Variants in BTC observed in about 807,000 individuals in gnomAD.
BTC encodes the protein probetacellulin.
Under a neutral mutation model 18.1 loss-of-function variants are expected in BTC, and 13 were observed. The observed-to-expected ratio is 0.72, with a 90% CI of 0.47 to 1.14. The LOEUF (loss-of-function observed/expected upper bound fraction) is 1.14, where lower values mean the gene tolerates loss of function less well. BTC is among the 50% of genes most tolerant of loss of function. The pLI is 0.00. For missense variants in BTC, 247 were observed against 224.2 expected (o/e 1.10, Z -0.65); for synonymous variants, 83 against 79.4 (o/e 1.05, Z -0.24).
chr4:74,789,266 A>G (rs767893662), intron 1 of BTC, among the ~76,000 whole-genome samples: 1 of 152,246 alleles, frequency 6.6e-6, no homozygotes, highest in Non-Finnish European at 1.5e-5. Flanking sequence ...GCTTGCCTCC[A>G]TAATAGTGGT....
chr4:74,749,933 A>C (rs1477742862), intron 4 of BTC, among the ~76,000 whole-genome samples: 21 of 86,256 alleles, frequency 2.4e-4, no homozygotes, highest in South Asian at 2.2e-3. Context: ...AGTCTCCACA[A>C]AAAAAAAAAA....
intron 3 of BTC, among the ~76,000 whole-genome samples, chr4:74,752,079 T>G (rs1553956240): frequency 1.3e-5 from 2 of 152,136 alleles, no homozygotes; most frequent in African/African-American, 2.4e-5. Flanking sequence ...ATTTCTCAAG[T>G]GAAGAGATCC....
intron 3 of BTC, among the ~76,000 whole-genome samples, chr4:74,753,828 A>G (rs77384749): frequency 3.9e-4 from 25 of 64,570 alleles, no homozygotes; most frequent in African/African-American, 2.1e-3. Context: ...CCAAAAAAAG[A>G]AAAAAAAAAT....
intron 1 of BTC, among the ~76,000 whole-genome samples, chr4:74,771,150 A>T (rs1303344472): frequency 2.6e-5 from 4 of 152,082 alleles, no homozygotes; most frequent in Non-Finnish European, 5.9e-5. Flanking sequence ...GTCCATAATA[A>T]TAGGAGGGAA....
At chr4:74,774,348 C>T (rs1041118032) in intron 1 of BTC, among the ~76,000 whole-genome samples, 1 of 152,090 alleles carries the variant, frequency 6.6e-6, no homozygotes, top group Non-Finnish European at 1.5e-5. Flanking sequence ...CAGATAAAGT[C>T]TAAGCCTGAC....
At chr4:74,777,191 A>C (rs1725198284) in intron 1 of BTC, among the ~76,000 whole-genome samples, 1 of 152,194 alleles carries the variant, frequency 6.6e-6, no homozygotes, top group South Asian at 2.1e-4. Context: ...TGAGTTTCTC[A>C]ACCACTGAGC....
intron 1 of BTC, among the ~76,000 whole-genome samples, chr4:74,771,233 G>A (rs1423229733): frequency 2.0e-5 from 3 of 152,136 alleles, no homozygotes; most frequent in Non-Finnish European, 2.9e-5. Context: ...AGCTGGTCTT[G>A]AGTTTAAGAG....
chr4:74,779,455 A>G (rs1193081980), intron 1 of BTC, among the ~76,000 whole-genome samples: 2 of 152,176 alleles, frequency 1.3e-5, no homozygotes, highest in African/African-American at 4.8e-5. Context: ...AGTTGTCAAA[A>G]CTTGACTTTT....
chr4:74,769,009 C>T (rs1490797559), intron 2 of BTC, among the ~76,000 whole-genome samples: 1 of 152,116 alleles, frequency 6.6e-6, no homozygotes, highest in African/African-American at 2.4e-5. Context: ...TCTGACCACC[C>T]ACTACTGTGA....
At chr4:74,759,679 T>C (rs1553957099) in intron 2 of BTC, among the ~76,000 whole-genome samples, 1 of 151,402 alleles carries the variant, frequency 6.6e-6, no homozygotes, top group East Asian at 1.9e-4. Context: ...AAGAAACCTT[T>C]AGGGTTACTG....
chr4:74,746,928 G>C (rs1724307809), intron 5 of BTC, among the ~76,000 whole-genome samples: 1 of 152,174 alleles, frequency 6.6e-6, no homozygotes, highest in East Asian at 1.9e-4. Flanking sequence ...ATGTAAACGA[G>C]GAAGCTTGTA....
Position 74,755,621 on chromosome 4 carries a change from T to G in BTC, c.281+238A>C, listed in dbSNP as rs559605852. On this transcript the variant is annotated intron_variant, in intron 3 of 5. Transcript: ENST00000395743. The stretch of plus-strand genomic sequence containing the variant: ...GCTTGCGCAAGAAATCAGAGGACAC[T>G]GCCCAGCCCAGAAGTGGAGCTGGAC... Among the ~76,000 whole-genome samples, 59 of 152,350 alleles carry G rather than the reference T, an allele frequency of 3.9e-4. 1 individual carries two copies. Among genetic ancestry groups the G allele is most frequent in the African/African-American group, 1.4e-3 (57 of 41,588 alleles).
At position 74,748,299 on chromosome 4, in the gene BTC, A is replaced by G. The variant is rs191905558; in HGVS notation, c.429-150T>C. On this transcript the variant is annotated intron_variant, in intron 4 of 5. Coordinates refer to ENST00000395743, the MANE Select transcript of BTC (RefSeq NM_001729.4). Reference sequence around the variant, plus strand: ...CGCAGTGGCTCACGCCTGTAATCCCAGCACTTTGGGAGGCCGAGGCAGGTG... The same window carrying G: ...CGCAGTGGCTCACGCCTGTAATCCCGGCACTTTGGGAGGCCGAGGCAGGTG... The G allele has an allele frequency of 5.4e-4, 255 of 470,198 alleles. 1 individual carries two copies. Among genetic ancestry groups the G allele is most frequent in the African/African-American group, 4.6e-3 (224 of 49,202 alleles). The allele number at this position is 470,198 out of a possible 1,614,324, so 29.1% of individuals were successfully genotyped here.
At position 74,761,415 on chromosome 4, in the gene BTC, G is replaced by A. The variant is rs138905287; in HGVS notation, c.164-5439C>T. On this transcript the variant is annotated intron_variant, in intron 2 of 5. Coordinates refer to ENST00000395743, the MANE Select transcript of BTC (RefSeq NM_001729.4). ...CCTGGGTAAGCTCATCAAGACTCCT[G>A]TCCTAAACACATCTCTATGATAACA... Among the ~76,000 whole-genome samples, 375 of 152,132 alleles carry A rather than the reference G, an allele frequency of 2.5e-3. 2 individuals are homozygous for A. Among genetic ancestry groups the A allele is most frequent in the African/African-American group, 8.7e-3 (359 of 41,498 alleles).
intron 2 of BTC, among the ~76,000 whole-genome samples, chr4:74,758,078 A>G (rs1724650939): frequency 6.6e-6 from 1 of 152,204 alleles, no homozygotes; most frequent in Admixed American, 6.5e-5. Context: ...TGTAGATTTT[A>G]GAGGAGGTGA....
chr4:74,792,168 C>A (rs1725650756), intron 1 of BTC, among the ~76,000 whole-genome samples: 1 of 152,158 alleles, frequency 6.6e-6, no homozygotes, highest in African/African-American at 2.4e-5. Flanking sequence ...CGTTCCTTAG[C>A]ATTTTGCAAG....
chr4:74,774,517 T>G (rs1179042979), intron 1 of BTC, among the ~76,000 whole-genome samples: 1 of 152,158 alleles, frequency 6.6e-6, no homozygotes, highest in Admixed American at 6.5e-5. Flanking sequence ...ATCTGATTTT[T>G]TATCACTTTA....
intron 2 of BTC, among the ~76,000 whole-genome samples, chr4:74,763,042 T>G (rs1305555963): frequency 6.6e-6 from 1 of 152,196 alleles, no homozygotes; most frequent in African/African-American, 2.4e-5. Flanking sequence ...ATTTCTGGTT[T>G]CTCATTGATT....
intron 1 of BTC, among the ~76,000 whole-genome samples, chr4:74,779,693 A>T: frequency 6.6e-6 from 1 of 152,160 alleles, no homozygotes. Context: ...CTGACCCATG[A>T]GGAAACAGTC....
Sources: allele counts gnomAD v4.1 joint callset (sites outside exome capture counted in the v4.1 genomes callset), GRCh38; gene constraint gnomAD v4.1.1; transcripts MANE v1.5; gene names NCBI Gene and HGNC (gene_info 2026-07-23, HGNC 2026-07-21).